The following ATP8B4 variants were observed in gnomAD, a reference collection of about 807,000 sequenced individuals.
ATP8B4 encodes the protein ATPase phospholipid transporting 8B4 (putative).
ATP8B4 carries 133 observed loss-of-function variants against 145.6 expected under a neutral mutation model. That is an observed-to-expected ratio of 0.91 (90% CI 0.79 to 1.05). ATP8B4 has a LOEUF of 1.05. Among genes scored for constraint, ATP8B4 ranks in the 50% least tolerant of loss-of-function variants. ATP8B4 has a pLI of 0.00. For synonymous variants in ATP8B4, 507 were observed against 492.9 expected (o/e 1.03, Z -0.38); for missense variants, 1,458 against 1,425.2 (o/e 1.02, Z -0.37).
chr15:50,044,734 G>C (rs775117819), intron 4 of ATP8B4, 42 bp from the exon 5 acceptor site: 2 of 1,383,548 alleles, frequency 1.4e-6, no homozygotes, highest in Non-Finnish European at 2.0e-6. Context: ...TTTAAAGTTA[G>C]AAAATATATC....
chr15:49,927,199 A>T (rs1246769513), intron 16 of ATP8B4, among the ~76,000 whole-genome samples: 2 of 152,264 alleles, frequency 1.3e-5, no homozygotes, highest in African/African-American at 4.8e-5. Context: ...ATCAATTTTT[A>T]TGTAGATACT....
At chr15:50,153,120 T>C (rs1405699503) in intron 1 of ATP8B4, among the ~76,000 whole-genome samples, 2 of 152,176 alleles carry the variant, frequency 1.3e-5, no homozygotes, top group African/African-American at 4.8e-5. Flanking sequence ...TAAGAGCATG[T>C]GAAATGTCCT....
At position 49,897,414 on chromosome 15, in the gene ATP8B4, GGA is replaced by G; in HGVS notation, c.2573_2574del (p.Leu858ProfsTer21). 6.2e-7 allele frequency: 1 copy of G among 1,613,926 alleles called. No homozygotes were observed. The highest frequency in any genetic ancestry group is 8.5e-7 in the Non-Finnish European group (1 of 1,179,866). On this transcript the variant is annotated frameshift_variant, in exon 23 of 28. Coordinates refer to ENST00000284509, the MANE Select transcript of ATP8B4 (RefSeq NM_024837.4). LOFTEE classifies it high-confidence loss of function. ...FAQFRYLQRL[L>X]LVHGRWSYFR... ...AAATAAGACCACCTTCCATGAACAA[GGA>G]GAAGCCTTTGGAGATATCTAAACTG...
chr15:49,965,196 C>T (rs1229041554), intron 13 of ATP8B4, among the ~76,000 whole-genome samples: 2 of 152,112 alleles, frequency 1.3e-5, no homozygotes, highest in Non-Finnish European at 2.9e-5. Context: ...GCTGAGGAAA[C>T]CATAATGCCC....
At chr15:50,032,324 G>A (rs1369226868) in intron 6 of ATP8B4, among the ~76,000 whole-genome samples, 1 of 152,132 alleles carries the variant, frequency 6.6e-6, no homozygotes, top group Non-Finnish European at 1.5e-5. Context: ...TGAGAATAAT[G>A]GCTTCCAGCT....
intron 6 of ATP8B4, among the ~76,000 whole-genome samples, chr15:50,016,656 A>G (rs949614438): frequency 1.3e-5 from 2 of 152,118 alleles, no homozygotes; most frequent in Admixed American, 6.5e-5. Context: ...ACTTTATACC[A>G]TGGCATGATT....
At chr15:50,110,803 G>A (rs970893860) in intron 1 of ATP8B4, among the ~76,000 whole-genome samples, 1 of 152,146 alleles carries the variant, frequency 6.6e-6, no homozygotes. Context: ...GTGTGAGAAA[G>A]TAGAGAGAGG....
intron 1 of ATP8B4, among the ~76,000 whole-genome samples, chr15:50,172,046 G>A (rs2044681823): frequency 6.6e-6 from 1 of 152,160 alleles, no homozygotes; most frequent in African/African-American, 2.4e-5. Context: ...CAGTGAGATT[G>A]AAATGGTAAA....
intron 9 of ATP8B4, among the ~76,000 whole-genome samples, chr15:49,990,143 A>G (rs2153546252): frequency 6.6e-6 from 1 of 152,230 alleles, no homozygotes; most frequent in Middle Eastern, 3.4e-3. Flanking sequence ...TAGATCTGAG[A>G]GTACTGAAAA....
chr15:49,867,853 A>C (rs2033064045), intron 25 of ATP8B4, among the ~76,000 whole-genome samples: 1 of 152,234 alleles, frequency 6.6e-6, no homozygotes, highest in South Asian at 2.1e-4. Flanking sequence ...TCAACAGCAA[A>C]ACCAAAGAAT....
intron 2 of ATP8B4, among the ~76,000 whole-genome samples, chr15:50,078,054 A>C (rs1392089611): frequency 6.6e-6 from 1 of 152,152 alleles, no homozygotes; most frequent in African/African-American, 2.4e-5. Flanking sequence ...GAGCACAAAA[A>C]AGAGGGATCC....
intron 6 of ATP8B4, among the ~76,000 whole-genome samples, chr15:50,036,218 A>C (rs980147035): frequency 6.6e-6 from 1 of 152,196 alleles, no homozygotes; most frequent in Non-Finnish European, 1.5e-5. Context: ...GAGAAGCAAC[A>C]GAGGAAAGGG....
chr15:49,904,318 C>G (rs891743523), intron 20 of ATP8B4, among the ~76,000 whole-genome samples: 4 of 152,080 alleles, frequency 2.6e-5, no homozygotes, highest in Admixed American at 1.3e-4. Context: ...ACTACCCTAC[C>G]TGAGAGACCT....
At chr15:49,860,887 A>G (rs1212293746) in intron 27 of ATP8B4, among the ~76,000 whole-genome samples, 4 of 152,230 alleles carry the variant, frequency 2.6e-5, no homozygotes, top group Admixed American at 2.0e-4. Context: ...TAACTGGACT[A>G]GAAGAAAATT....
intron 6 of ATP8B4, among the ~76,000 whole-genome samples, chr15:50,034,640 T>C (rs1567234297): frequency 6.6e-6 from 1 of 152,208 alleles, no homozygotes; most frequent in Non-Finnish European, 1.5e-5. Context: ...TAGATTCATC[T>C]TGGAAACTTT....
chr15:50,033,683 T>C (rs1186260572), intron 6 of ATP8B4, among the ~76,000 whole-genome samples: 1 of 152,188 alleles, frequency 6.6e-6, no homozygotes, highest in Non-Finnish European at 1.5e-5. Flanking sequence ...TAGTACTCAA[T>C]AGGTAGTTTT....
chr15:49,939,926 G>A (rs963957566), intron 14 of ATP8B4, among the ~76,000 whole-genome samples: 5 of 152,134 alleles, frequency 3.3e-5, no homozygotes, highest in African/African-American at 1.2e-4. Context: ...TGGAGTAAAG[G>A]GAATGCTTAT....
chr15:49,891,837 C>T (rs2036837664), intron 23 of ATP8B4, among the ~76,000 whole-genome samples: 1 of 151,998 alleles, frequency 6.6e-6, no homozygotes, highest in East Asian at 1.9e-4. Flanking sequence ...CATCTTGGGC[C>T]GGGCACAGTG....
In ATP8B4 at chr15:49,912,399, C is replaced by T. The variant is rs542121374; in HGVS notation, c.2141+4535G>A. ...TCAAGACTTTAAGAACAACTATATG[C>T]TAACTAACAGGAAAACCTAGAGGAA... On this transcript the variant is annotated intron_variant, in intron 20 of 27. Coordinates refer to ENST00000284509, the MANE Select transcript of ATP8B4 (RefSeq NM_024837.4). Among the ~76,000 whole-genome samples the T allele has an allele frequency of 3.4e-3, 525 of 152,224 alleles. 2 individuals carry two copies. The highest frequency in any genetic ancestry group is 0.012 in the African/African-American group (495 of 41,566).
Sources: allele counts gnomAD v4.1 joint callset (sites outside exome capture counted in the v4.1 genomes callset), GRCh38; gene constraint gnomAD v4.1.1; transcripts MANE v1.5; gene names NCBI Gene and HGNC (gene_info 2026-07-23, HGNC 2026-07-21).